The following KCNJ12 variants were observed in gnomAD, a reference collection of about 807,000 sequenced individuals.
The protein encoded by KCNJ12 is potassium inwardly rectifying channel subfamily J member 12.
Under a neutral mutation model 22.3 loss-of-function variants are expected in KCNJ12, and 2 were observed. The observed-to-expected ratio is 0.09, with a 90% CI of 0.04 to 0.28. KCNJ12 has a LOEUF of 0.28. Ranked by LOEUF, KCNJ12 falls within the 10% of genes least tolerant of loss-of-function variation. KCNJ12 has a pLI of 1.00. For missense variants in KCNJ12, 155 were observed against 633.3 expected, an observed-to-expected ratio of 0.24 and a Z score of 8.11; for synonymous variants, 117 against 261.4, an observed-to-expected ratio of 0.45 and a Z score of 5.33.
chr17:21,416,671 C>T lies in KCNJ12; in HGVS notation c.*27C>T. ...CCAACCTTGGCCGACATGCAGCATC[C>T]ACCCCCGGCTGGGGAGAGGCCCCGC... On this transcript the variant is annotated 3_prime_UTR_variant, in exon 3 of 3. Coordinates refer to ENST00000583088, the MANE Select transcript of KCNJ12 (RefSeq NM_021012.5). 1.9e-6 allele frequency: 3 copies of T among 1,560,646 alleles called. No individual in the cohort carries two copies. Among genetic ancestry groups the T allele is most frequent in the Non-Finnish European group, 1.7e-6 (2 of 1,154,986 alleles).
chr17:21,395,069 A>G (rs368821200), intron 1 of KCNJ12, among the ~76,000 whole-genome samples: 2 of 152,224 alleles, frequency 1.3e-5, no homozygotes, highest in African/African-American at 4.8e-5. Context: ...AGGCTGAGGC[A>G]GGAGGATTAC....
At chr17:21,386,437 C>G (rs1043425825) in intron 1 of KCNJ12, among the ~76,000 whole-genome samples, 3 of 152,200 alleles carry the variant, frequency 2.0e-5, no homozygotes, top group Non-Finnish European at 4.4e-5. Flanking sequence ...GCCTTAATCT[C>G]CCAAGTAGCT....
rs1906963866 is a variant in KCNJ12, at chr17:21,418,328, G to A, written c.*1684G>A. 2 of 166,616 alleles carry A rather than the reference G, an allele frequency of 1.2e-5. No homozygotes were observed. Among genetic ancestry groups the A allele is most frequent in the South Asian group, 4.2e-4 (2 of 4,754 alleles). The allele number at this position is 166,616 out of a possible 1,614,324, so 10.3% of individuals were successfully genotyped here. A position where few individuals can be genotyped will look rare whatever the true frequency, so the allele number is the denominator to read the frequency against. The stretch of plus-strand genomic sequence containing the variant: ...AGAAGGCACCCCGAGACAGCTCAGA[G>A]CCAGAAGGCACCCCGAGACAGCTCA... On this transcript the variant is annotated 3_prime_UTR_variant, in exon 3 of 3. Coordinates refer to ENST00000583088, the MANE Select transcript of KCNJ12 (RefSeq NM_021012.5).
intron 1 of KCNJ12, among the ~76,000 whole-genome samples, chr17:21,405,928 G>A (rs1905900827): frequency 6.6e-6 from 1 of 152,312 alleles, no homozygotes; most frequent in Admixed American, 6.5e-5. Flanking sequence ...AGCTAATTTT[G>A]CCTTCCTCCT....
At chr17:21,394,644 G>A (rs1555559694) in intron 1 of KCNJ12, among the ~76,000 whole-genome samples, 15 of 152,308 alleles carry the variant, frequency 9.8e-5, no homozygotes, top group Non-Finnish European at 1.5e-5. Context: ...ACTGATTCTG[G>A]AGAGGAATTA....
chr17:21,391,346 G>T (rs1382679641), intron 1 of KCNJ12, among the ~76,000 whole-genome samples: 1 of 152,172 alleles, frequency 6.6e-6, no homozygotes, highest in African/African-American at 2.4e-5. Flanking sequence ...AACTCTGGAG[G>T]GGCTGTTACC....
intron 1 of KCNJ12, among the ~76,000 whole-genome samples, chr17:21,383,800 G>A (rs1374029783): frequency 6.6e-6 from 1 of 152,200 alleles, no homozygotes; most frequent in African/African-American, 2.4e-5. Flanking sequence ...GGCTGGGGAT[G>A]TGGCCTGCAC....
chr17:21,412,803 G>C (rs1906441438), intron 2 of KCNJ12, among the ~76,000 whole-genome samples: 1 of 152,310 alleles, frequency 6.6e-6, no homozygotes, highest in Non-Finnish European at 1.5e-5. Flanking sequence ...GGCCCATGGT[G>C]GGGGACGGCG....
chr17:21,408,092 A>C (rs1182764518), intron 1 of KCNJ12, among the ~76,000 whole-genome samples: 13 of 152,288 alleles, frequency 8.5e-5, no homozygotes, highest in Admixed American at 1.3e-4. Flanking sequence ...AAGGCTCTGC[A>C]GGTGGTGGCT....
chr17:21,404,190 T>G (rs1373361969), intron 1 of KCNJ12, among the ~76,000 whole-genome samples: 1 of 151,988 alleles, frequency 6.6e-6, no homozygotes, highest in Non-Finnish European at 1.5e-5. Flanking sequence ...TTGCACACAG[T>G]CAGGGTGGGT....
chr17:21,413,593 C>A (rs1448861880), intron 2 of KCNJ12, among the ~76,000 whole-genome samples: 1 of 151,996 alleles, frequency 6.6e-6, no homozygotes, highest in African/African-American at 2.4e-5. Context: ...TCCAGCCTAG[C>A]CCAGCCAAGG....
Position 21,415,402 on chromosome 17 carries a change from G to A in KCNJ12, c.60G>A (p.Leu20=). Reference sequence around the variant, plus strand: ...TCGTGTCATCGGAGGAGGACGGGCTGCACCTGGTCACCATGTCGGGCGCCA... The same window carrying A: ...TCGTGTCATCGGAGGAGGACGGGCTACACCTGGTCACCATGTCGGGCGCCA... ...YSIVSSEEDG[L]HLVTMSGANG... is the part of the protein sequence containing the mutation. Residue 20 remains leucine, a synonymous_variant, in exon 3 of 3, where the codon CTG becomes CTA. Coordinates refer to ENST00000583088, the MANE Select transcript of KCNJ12 (RefSeq NM_021012.5). 6.2e-7 allele frequency: 1 copy of A among 1,613,454 alleles called. No homozygotes were observed. Among genetic ancestry groups the A allele is most frequent in the Non-Finnish European group, 8.5e-7 (1 of 1,180,050 alleles).
chr17:21,411,394 C>G (rs1449746636), intron 2 of KCNJ12, among the ~76,000 whole-genome samples: 2 of 152,132 alleles, frequency 1.3e-5, no homozygotes, highest in Non-Finnish European at 1.5e-5. Flanking sequence ...CTGCCGGGCC[C>G]GTGCTCTCTC....
intron 1 of KCNJ12, among the ~76,000 whole-genome samples, chr17:21,381,584 C>T (rs1395746532): frequency 2.0e-5 from 3 of 152,090 alleles, no homozygotes; most frequent in Non-Finnish European, 4.4e-5. Flanking sequence ...AATGTTCTTT[C>T]CCAGATCTCT....
chr17:21,392,429 C>T (rs1555559419), intron 1 of KCNJ12, among the ~76,000 whole-genome samples: 1 of 152,270 alleles, frequency 6.6e-6, no homozygotes, highest in Non-Finnish European at 1.5e-5. Flanking sequence ...ACACGCCCCC[C>T]AACAGGGGCC....
intron 1 of KCNJ12, among the ~76,000 whole-genome samples, chr17:21,383,398 GC>G (rs1567696182): frequency 6.6e-6 from 1 of 151,580 alleles, no homozygotes; most frequent in African/African-American, 2.4e-5. Context: ...GCTGGGGGGC[GC>G]CGAGGCCAGA....
At chr17:21,410,549 G>GC (rs1906266677) in intron 2 of KCNJ12, among the ~76,000 whole-genome samples, 1 of 152,310 alleles carries the variant, frequency 6.6e-6, no homozygotes, top group South Asian at 2.1e-4. Context: ...GAGGTAGAGT[G>GC]CCCCATCTCC....
At chr17:21,386,355 T>C (rs534608348) in intron 1 of KCNJ12, among the ~76,000 whole-genome samples, 1 of 152,256 alleles carries the variant, frequency 6.6e-6, no homozygotes, top group African/African-American at 2.4e-5. Flanking sequence ...ACTCTTTCTG[T>C]TATGAGACAG....
chr17:21,388,526 C>T (rs956003307), intron 1 of KCNJ12, among the ~76,000 whole-genome samples: 2 of 152,192 alleles, frequency 1.3e-5, no homozygotes, highest in Admixed American at 6.5e-5. Flanking sequence ...TCCCAACTGC[C>T]GCCAGGAAAT....
Sources: gnomAD v4.1 joint callset for allele counts (sites outside exome capture counted in the v4.1 genomes callset) on GRCh38, gnomAD v4.1.1 for gene constraint, MANE v1.5 for transcripts, NCBI Gene and HGNC (gene_info 2026-07-23, HGNC 2026-07-21) for gene names.